Variants in WDR33 observed in about 807,000 individuals in gnomAD.
WDR33 encodes the protein WD repeat domain 33.
In WDR33, 47 loss-of-function variants were observed where a neutral mutation model predicts 164.9. The observed-to-expected ratio is 0.29, with a 90% CI of 0.23 to 0.36. WDR33 has a LOEUF of 0.36. Among genes scored for constraint, WDR33 ranks in the 10% least tolerant of loss-of-function variants. The pLI is 1.00. For missense variants in WDR33, 1,137 were observed against 1,754.1 expected (o/e 0.65, Z 6.28); for synonymous variants, 505 against 589.0 (o/e 0.86, Z 2.06).
In WDR33 at chr2:127,708,253, C is replaced by G. The variant is rs1686065363; in HGVS notation, c.3781+424G>C. Among the ~76,000 whole-genome samples the G allele has an allele frequency of 6.6e-6, 1 of 152,242 alleles. No individual in the cohort carries two copies. Among genetic ancestry groups the G allele is most frequent in the African/African-American group, 2.4e-5 (1 of 41,462 alleles). ...CCATAGACCATGTTTCCCAAAGTCT[C>G]TGTGACTTTGAGCACAAGCAGTGTT... On this transcript the variant is annotated intron_variant, in intron 21 of 21. Coordinates refer to ENST00000322313, the MANE Select transcript of WDR33 (RefSeq NM_018383.5). The surrounding 1 kb of genome is among the most constrained non-coding windows in gnomAD (Gnocchi z 6.7).
In WDR33 at chr2:127,719,358, T is replaced by C. The variant is rs1686371830; in HGVS notation, c.2667A>G (p.Pro889=). Residue 889 remains proline, a synonymous_variant, in exon 16 of 22, where the codon CCA becomes CCG. Transcript: ENST00000322313. The surrounding 1 kb of genome is among the most constrained non-coding windows in gnomAD (Gnocchi z 6.5). ...GPPGPQGQQN[P]ARGPHPSQGP... ...CTTGAGATGGATGTGGCCCTCTTGC[T>C]GGGTTCTGCTGTCCCTGAGGTCCGG... The C allele has an allele frequency of 6.6e-7, 1 of 1,510,520 alleles. No individual in the cohort carries two copies. The highest frequency in any genetic ancestry group is 1.4e-5 in the African/African-American group (1 of 71,640). 93.6% of individuals were successfully genotyped at this position (1,510,520 alleles called of 1,614,324 possible).
rs7575478 is a variant in WDR33 at position 127,703,982 on chromosome 2, A to G, written c.*2341T>C. The G allele has an allele frequency of 0.31, 50,895 of 166,148 alleles. 8,295 individuals are homozygous for G. The highest frequency in any genetic ancestry group is 0.49 in the South Asian group (2,329 of 4,800). The allele number at this position is 166,148 out of a possible 1,614,324, so 10.3% of individuals were successfully genotyped here. A position where few individuals can be genotyped will look rare whatever the true frequency, so the allele number is the denominator to read the frequency against. Reference sequence around the variant, plus strand: ...AAAATCTTCAAAAAATTTGCCAGATATGGTGGCACACAACTGTGATCCCAG... The same window carrying G: ...AAAATCTTCAAAAAATTTGCCAGATGTGGTGGCACACAACTGTGATCCCAG... On this transcript the variant is annotated 3_prime_UTR_variant, in exon 22 of 22. Coordinates refer to ENST00000322313, the MANE Select transcript of WDR33 (RefSeq NM_018383.5).
chr2:127,733,275 A>C (rs989597627), intron 7 of WDR33, among the ~76,000 whole-genome samples: 2 of 152,232 alleles, frequency 1.3e-5, no homozygotes, highest in African/African-American at 4.8e-5. Context: ...CTACAGGCAC[A>C]AAGTGTGGCC....
chr2:127,737,683 G>A (rs954677730), intron 7 of WDR33: 9 of 1,057,262 alleles, frequency 8.5e-6, no homozygotes, highest in African/African-American at 3.4e-5. Flanking sequence ...GGAAGAAAAC[G>A]CAGAACCAAG....
Position 127,713,859 on chromosome 2 carries a change from T to C in WDR33, c.3032A>G (p.Asp1011Gly). 6.2e-7 allele frequency: 1 copy of C among 1,614,236 alleles called. No homozygotes were observed. Among genetic ancestry groups the C allele is most frequent in the Non-Finnish European group, 8.5e-7 (1 of 1,180,034 alleles). The change falls in exon 18 of 22, where the codon GAT (aspartate) becomes GGT (glycine). Residue 1011 changes from aspartate to glycine, a missense_variant. This residue lies in a region of WDR33 where 867 missense variants were observed against 1,073.0 expected (regional missense o/e 0.81). Transcript: ENST00000322313. The surrounding 1 kb of genome is among the most constrained non-coding windows in gnomAD (Gnocchi z 6.2). ...GAAGTCATCTGGTCTGCTGAAGTCA[T>C]CGGGGAAGTCTGGGTGAGGGCCACG... is the stretch of plus-strand genomic sequence containing the variant. ...DRRGPHPDFP[D>G]DFSRPDDFHP... is the part of the protein sequence containing the mutation.
chr2:127,782,817 G>A (rs965264517), intron 1 of WDR33, among the ~76,000 whole-genome samples: 2 of 152,176 alleles, frequency 1.3e-5, no homozygotes, highest in Non-Finnish European at 2.9e-5. Context: ...AGACCATCCT[G>A]GCTAACATGG....
intron 7 of WDR33, among the ~76,000 whole-genome samples, chr2:127,761,688 T>G (rs1055436591): frequency 6.6e-6 from 1 of 152,216 alleles, no homozygotes; most frequent in African/African-American, 2.4e-5. Flanking sequence ...TCTGAACCTA[T>G]TTTGCTTTGA....
At position 127,713,725 on chromosome 2, in the gene WDR33, G is replaced by A; in HGVS notation, c.3166C>T (p.Pro1056Ser). The A allele has an allele frequency of 1.2e-6, 2 of 1,614,208 alleles. No individual in the cohort carries two copies. The highest frequency in any genetic ancestry group is 1.7e-6 in the Non-Finnish European group (2 of 1,179,998). Residue 1056 changes from proline (P) to serine (S), a missense_variant, in exon 18 of 22, where the codon CCT becomes TCT. Coordinates refer to ENST00000322313, the MANE Select transcript of WDR33 (RefSeq NM_018383.5). The surrounding 1 kb of genome is among the most constrained non-coding windows in gnomAD (Gnocchi z 6.2). ...CCCTCGCTGAATTCCCTGTGATCAG[G>A]GGGAAACGGAGGCCCAGGGCCCCCT... ...RRGGPGPPFPPDHREFSEGDG... is the reference protein window; with the variant it reads ...RRGGPGPPFPSDHREFSEGDG...
intron 1 of WDR33, among the ~76,000 whole-genome samples, chr2:127,794,590 T>C (rs538539555): frequency 4.6e-5 from 7 of 151,870 alleles, no homozygotes; most frequent in Admixed American, 4.6e-4. Context: ...CCCAGCACTT[T>C]GGGAAGCCAA....
chr2:127,805,752 G>A (rs1689413740), intron 1 of WDR33, among the ~76,000 whole-genome samples: 2 of 152,094 alleles, frequency 1.3e-5, no homozygotes, highest in African/African-American at 4.8e-5. Context: ...TCCTGGAAGG[G>A]GCTCCGGCCA....
At position 127,705,628 on chromosome 2, in the gene WDR33, AG is replaced by A. The variant is rs1346446902; in HGVS notation, c.*694del. On this transcript the variant is annotated 3_prime_UTR_variant, in exon 22 of 22. Transcript: ENST00000322313. This position sits in a 1 kb window ranked among gnomAD's most constrained non-coding sequence, Gnocchi z 4.5. Reference sequence around the variant, plus strand: ...GGGGAAGCTCCCTCGTTGGACATCCAGAAGATTGCATTTTCTCTTCAGAGTA... The same window carrying A: ...GGGGAAGCTCCCTCGTTGGACATCCAAAGATTGCATTTTCTCTTCAGAGTA... 3 of 152,256 alleles carry A rather than the reference AG, an allele frequency of 2.0e-5. No homozygotes were observed. The highest frequency in any genetic ancestry group is 7.2e-5 in the African/African-American group (3 of 41,470). 9.4% of individuals were successfully genotyped at this position (152,256 alleles called of 1,614,324 possible). A position where few individuals can be genotyped will look rare whatever the true frequency, so the allele number is the denominator to read the frequency against.
At chr2:127,806,629 A>T (rs1387635957) in intron 1 of WDR33, among the ~76,000 whole-genome samples, 1 of 152,088 alleles carries the variant, frequency 6.6e-6, no homozygotes, top group Non-Finnish European at 1.5e-5. Flanking sequence ...GTAACCTAGA[A>T]TTAAACCAAC....
intron 1 of WDR33, among the ~76,000 whole-genome samples, chr2:127,779,222 C>A (rs1046899764): frequency 6.6e-6 from 1 of 150,854 alleles, no homozygotes; most frequent in African/African-American, 2.4e-5. Context: ...AATCCTAGCA[C>A]TTTGGGAGGC....
chr2:127,788,176 G>A (rs1432818132), intron 1 of WDR33, among the ~76,000 whole-genome samples: 2 of 111,798 alleles, frequency 1.8e-5, no homozygotes, highest in East Asian at 2.9e-4. Context: ...TCCCAGACGG[G>A]GCGGCTGGCC....
chr2:127,759,413 A>T (rs1687613754), intron 7 of WDR33, among the ~76,000 whole-genome samples: 2 of 152,126 alleles, frequency 1.3e-5, no homozygotes, highest in Admixed American at 6.6e-5. Context: ...ACTACAGGCC[A>T]GGCACGGTGG....
At chr2:127,744,948 T>C (rs1687124771) in intron 7 of WDR33, among the ~76,000 whole-genome samples, 1 of 152,174 alleles carries the variant, frequency 6.6e-6, no homozygotes, top group Admixed American at 6.6e-5. Flanking sequence ...CATCTCAGTG[T>C]TGCATTTGGT....
At position 127,713,328 on chromosome 2, in the gene WDR33, C is replaced by T. The variant is rs1422934275; in HGVS notation, c.3308+255G>A. On this transcript the variant is annotated intron_variant, in intron 18 of 21. Coordinates refer to ENST00000322313, the MANE Select transcript of WDR33 (RefSeq NM_018383.5). This position sits in a 1 kb window ranked among gnomAD's most constrained non-coding sequence, Gnocchi z 6.2. ...CAAGTCTTGTAGTACACTGATCCTC[C>T]CATCTCTTTAGAAAGGACCAAAATA... Among the ~76,000 whole-genome samples the T allele has an allele frequency of 6.6e-6, 1 of 152,104 alleles. No homozygotes were observed. Among genetic ancestry groups the T allele is most frequent in the African/African-American group, 2.4e-5 (1 of 41,410 alleles).
chr2:127,701,693 G>T lies in WDR33; in HGVS notation c.*4630C>A. On this transcript the variant is annotated 3_prime_UTR_variant, in exon 22 of 22. Transcript: ENST00000322313. Reference sequence around the variant, plus strand: ...CGGGCTTGCGCTGGACGTGGGCGCGGAGCCCTGCGGAGTCGGCAGCGGCCG... The same window carrying T: ...CGGGCTTGCGCTGGACGTGGGCGCGTAGCCCTGCGGAGTCGGCAGCGGCCG... 2 of 1,302,470 alleles carry T rather than the reference G, an allele frequency of 1.5e-6. No individual in the cohort carries two copies. Among genetic ancestry groups the T allele is most frequent in the South Asian group, 2.2e-5 (1 of 45,376 alleles). 80.7% of individuals were successfully genotyped at this position (1,302,470 alleles called of 1,614,324 possible). A position where few individuals can be genotyped will look rare whatever the true frequency, so the allele number is the denominator to read the frequency against.
chr2:127,796,962 G>A (rs182886703), intron 1 of WDR33, among the ~76,000 whole-genome samples: 2 of 152,042 alleles, frequency 1.3e-5, no homozygotes, highest in East Asian at 1.9e-4. Context: ...CTGCAATTGC[G>A]AATTTACCTA....
Sources: gnomAD v4.1 joint callset for allele counts (sites outside exome capture counted in the v4.1 genomes callset) on GRCh38, gnomAD v4.1.1 for gene constraint, gnomAD v4.1.1 regional missense constraint, Gnocchi (gnomAD v3.1) non-coding constraint, MANE v1.5 for transcripts, NCBI Gene and HGNC (gene_info 2026-07-23, HGNC 2026-07-21) for gene names.